Variants in POLE observed in about 807,000 individuals in gnomAD.
POLE encodes the protein DNA polymerase epsilon, catalytic subunit.
A neutral mutation model predicts 279.2 loss-of-function variants in POLE; 188 were observed. The ratio of observed to expected loss-of-function variants is 0.67; its 90% CI spans 0.60 to 0.76. POLE has a LOEUF of 0.76. Ranked by LOEUF, POLE falls within the 30% of genes least tolerant of loss-of-function variation. The pLI is 0.00. For synonymous variants in POLE, 1,214 were observed against 1,172.5 expected (o/e 1.04, Z -0.72); for missense variants, 2,703 against 3,016.7 (o/e 0.90, Z 2.44).
At chr12:132,637,085 C>T (rs905125418) in intron 41 of POLE, among the ~76,000 whole-genome samples, 3 of 152,230 alleles carry the variant, frequency 2.0e-5, no homozygotes, top group Admixed American at 6.5e-5. Context: ...AGGCACACAG[C>T]GTGACCACTG....
chr12:132,675,328 A>G lies in POLE; in HGVS notation c.1226+70T>C. 1 of 1,565,498 alleles carries G rather than the reference A, an allele frequency of 6.4e-7. No individual in the cohort carries two copies. Among genetic ancestry groups the G allele is most frequent in the East Asian group, 2.2e-5 (1 of 44,466 alleles). On this transcript the variant is annotated intron_variant, in intron 12 of 48. Coordinates refer to ENST00000320574, the MANE Select transcript of POLE (RefSeq NM_006231.4). This position sits in a 1 kb window ranked among gnomAD's most constrained non-coding sequence, Gnocchi z 4.3. Reference sequence around the variant, plus strand: ...CTCCCATGAGATGTGGTGACAGCACAGTCTGCAAGAGGCCTTCAGATCTCG... The same window carrying G: ...CTCCCATGAGATGTGGTGACAGCACGGTCTGCAAGAGGCCTTCAGATCTCG...
chr12:132,654,818 T>C (rs1407086938), intron 29 of POLE, among the ~76,000 whole-genome samples: 1 of 152,190 alleles, frequency 6.6e-6, no homozygotes, highest in African/African-American at 2.4e-5. Context: ...ATGTGACTAT[T>C]TTCCTAAGTC....
chr12:132,669,814 A>G (rs1315395767), intron 16 of POLE, among the ~76,000 whole-genome samples: 1 of 152,206 alleles, frequency 6.6e-6, no homozygotes, highest in African/African-American at 2.4e-5. Flanking sequence ...ACATCCCCCC[A>G]GCCACCCTCC....
At chr12:132,645,457 G>C (rs911887533) in intron 32 of POLE, among the ~76,000 whole-genome samples, 1 of 152,180 alleles carries the variant, frequency 6.6e-6, no homozygotes, top group African/African-American at 2.4e-5. Flanking sequence ...ACAAGTCCCA[G>C]GCTCACTACG....
In POLE at chr12:132,660,987, C is replaced by T. The variant is rs1290356703; in HGVS notation, c.3042G>A (p.Leu1014=). 1 of 1,612,220 alleles carries T rather than the reference C, an allele frequency of 6.2e-7. No homozygotes were observed. The highest frequency in any genetic ancestry group is 1.1e-5 in the South Asian group (1 of 90,848). The change falls in exon 25 of 49, where the codon CTG becomes CTA. Residue 1014 remains leucine (L), a synonymous_variant. Coordinates refer to ENST00000320574, the MANE Select transcript of POLE (RefSeq NM_006231.4). The part of the protein sequence containing the change: ...GSVAKVADYW[L]DVLYSKAANM... ...CCTTTACCTTGCTGTACAGCACGTCCAGCCAGTAGTCAGCCACCTTGGCTA... is the reference window on the plus strand; with the variant it reads ...CCTTTACCTTGCTGTACAGCACGTCTAGCCAGTAGTCAGCCACCTTGGCTA...
In POLE at chr12:132,668,492, A is replaced by T; in HGVS notation, c.2037T>A (p.Ser679Arg). 6.3e-7 allele frequency: 1 copy of T among 1,592,290 alleles called. No individual in the cohort carries two copies. The highest frequency in any genetic ancestry group is 8.6e-7 in the Non-Finnish European group (1 of 1,167,078). ...GCTGGATCCGATGGTATTCGCTGCG[A>T]CTGGCTGGCACTGGGAAGGAGGCAA... is the stretch of plus-strand genomic sequence containing the variant. ...WQWRGEFMPA[S>R]RSEYHRIQHQ... The change falls in exon 19 of 49, where the codon AGT becomes AGA. Residue 679 changes from serine to arginine, a missense_variant. Coordinates refer to ENST00000320574, the MANE Select transcript of POLE (RefSeq NM_006231.4). The surrounding 1 kb of genome is among the most constrained non-coding windows in gnomAD (Gnocchi z 4.0).
chr12:132,664,593 A>G lies in POLE; in HGVS notation c.2469-131T>C. On this transcript the variant is annotated intron_variant, in intron 21 of 48. Coordinates refer to ENST00000320574, the MANE Select transcript of POLE (RefSeq NM_006231.4). The surrounding 1 kb of genome is among the most constrained non-coding windows in gnomAD (Gnocchi z 5.3). ...AAGGGAAGCAGCCAAATGTGCGTGC[A>G]CCAGGACAGAACTAAGGTGGAATCT... 1 of 707,792 alleles carries G rather than the reference A, an allele frequency of 1.4e-6. No homozygotes were observed. The highest frequency in any genetic ancestry group is 1.7e-5 in the African/African-American group (1 of 57,556). 43.8% of individuals were successfully genotyped at this position (707,792 alleles called of 1,614,324 possible).
chr12:132,629,773 C>T (rs2041901507), intron 45 of POLE, among the ~76,000 whole-genome samples: 1 of 152,198 alleles, frequency 6.6e-6, no homozygotes, highest in Admixed American at 6.5e-5. Context: ...CTTGTAATTT[C>T]CTTCAAGAAC....
chr12:132,640,480 G>A (rs746003564), intron 39 of POLE, among the ~76,000 whole-genome samples: 18 of 152,258 alleles, frequency 1.2e-4, no homozygotes, highest in Non-Finnish European at 2.1e-4. Flanking sequence ...GTGTAAACAA[G>A]TTTCCCGTTC....
rs367714173 is a variant in POLE at position 132,642,459 on chromosome 12, G to A, written c.4952+47C>T. On this transcript the variant is annotated intron_variant, in intron 37 of 48. Coordinates refer to ENST00000320574, the MANE Select transcript of POLE (RefSeq NM_006231.4). ...CCGGGTCACAGAGACCACCGAGGCC[G>A]GCTCTGCCTGGGGACCACTGGCCCA... is the stretch of plus-strand genomic sequence containing the variant. The A allele has an allele frequency of 2.5e-4, 404 of 1,600,830 alleles. No homozygotes were observed. Among genetic ancestry groups the A allele is most frequent in the Admixed American group, 9.5e-4 (57 of 59,744 alleles).
At chr12:132,637,305 A>G (rs1593718098) in intron 41 of POLE, among the ~76,000 whole-genome samples, 1 of 152,328 alleles carries the variant, frequency 6.6e-6, no homozygotes, top group East Asian at 1.9e-4. Context: ...CTACCCCTGT[A>G]ACCATGCAAA....
In POLE at chr12:132,661,205, G is replaced by A. The variant is rs2135946881; in HGVS notation, c.2865-41C>T. ...AAGGCAAGCACAGCAGTGGCAAGGAGCGCTGGGGAGCCACCAGCTGTGCCT... is the reference window on the plus strand; with the variant it reads ...AAGGCAAGCACAGCAGTGGCAAGGAACGCTGGGGAGCCACCAGCTGTGCCT... On this transcript the variant is annotated intron_variant, in intron 24 of 48. Coordinates refer to ENST00000320574, the MANE Select transcript of POLE (RefSeq NM_006231.4). This position sits in a 1 kb window ranked among gnomAD's most constrained non-coding sequence, Gnocchi z 4.1. 3 of 1,521,968 alleles carry A rather than the reference G, an allele frequency of 2.0e-6. No homozygotes were observed. Among genetic ancestry groups the A allele is most frequent in the Non-Finnish European group, 2.7e-6 (3 of 1,130,748 alleles). The allele number at this position is 1,521,968 out of a possible 1,614,324, so 94.3% of individuals were successfully genotyped here.
chr12:132,649,445 C>A lies in POLE; in HGVS notation c.3866G>T (p.Arg1289Leu), dbSNP rs781298285. 3 of 1,612,420 alleles carry A rather than the reference C, an allele frequency of 1.9e-6. No individual in the cohort carries two copies. The highest frequency in any genetic ancestry group is 1.1e-5 in the South Asian group (1 of 91,072). Residue 1289 changes from arginine to leucine, a missense_variant, in exon 31 of 49, where the codon CGC becomes CTC. By Grantham distance (102) the Arg-to-Leu change is moderately radical (BLOSUM62 -2). Around this residue, in one of 5 missense-constraint regions of POLE, gnomAD observed 1,551 missense variants for 1,686.1 expected, o/e 0.92. Coordinates refer to ENST00000320574, the MANE Select transcript of POLE (RefSeq NM_006231.4). Reference protein sequence around the residue: ...WQLQARQRLARRKRQRLESAE... With the variant: ...WQLQARQRLALRKRQRLESAE... ...CGACTCCAGACGCTGCCTCTTCCTG[C>A]GGGCGAGGCGCTGCCGGGCCTGCAG...
Position 132,675,852 on chromosome 12 carries a change from C to G in POLE, c.1021-32G>C, listed in dbSNP as rs2043039109. The stretch of plus-strand genomic sequence containing the variant: ...CCAAGTCACAGCAGTCAGAGGTCTG[C>G]TCTTTCTCTTCTTCAAGCTATTCCA... On this transcript the variant is annotated intron_variant, in intron 10 of 48. Coordinates refer to ENST00000320574, the MANE Select transcript of POLE (RefSeq NM_006231.4). The surrounding 1 kb of genome is among the most constrained non-coding windows in gnomAD (Gnocchi z 4.3). 2 of 1,535,092 alleles carry G rather than the reference C, an allele frequency of 1.3e-6. No homozygotes were observed. The highest frequency in any genetic ancestry group is 1.8e-6 in the Non-Finnish European group (2 of 1,108,146).
chr12:132,672,531 G>A, intron 15 of POLE, 96 bp downstream of exon 15: 2 of 1,344,456 alleles, frequency 1.5e-6, no homozygotes, highest in Non-Finnish European at 2.1e-6. Flanking sequence ...CGTGGGACAG[G>A]ATGGGGAGAA....
rs969812647 is a variant in POLE at position 132,679,623 on chromosome 12, T to C, written c.452A>G (p.Asn151Ser). The C allele has an allele frequency of 2.5e-6, 4 of 1,612,252 alleles. No homozygotes were observed. Among genetic ancestry groups the C allele is most frequent in the Non-Finnish European group, 3.4e-6 (4 of 1,178,460 alleles). Residue 151 changes from asparagine to serine, a missense_variant, in exon 6 of 49, where the codon AAT (asparagine) becomes AGT (serine). This residue lies in a region of POLE where 1,011 missense variants were observed against 1,111.7 expected (regional missense o/e 0.91). Coordinates refer to ENST00000320574, the MANE Select transcript of POLE (RefSeq NM_006231.4). ...AGTGTGGAAGGACAGCCTGATGTAA[T>C]TTCGCTTCAAACCCACCAAGTGATT... ...LPNHLVGLKRNYIRLSFHTVE... is the reference protein window; with the variant it reads ...LPNHLVGLKRSYIRLSFHTVE...
chr12:132,647,693 A>C (rs2042317314), intron 32 of POLE, among the ~76,000 whole-genome samples: 1 of 152,068 alleles, frequency 6.6e-6, no homozygotes, highest in Non-Finnish European at 1.5e-5. Flanking sequence ...AGATGAGCTG[A>C]TAGTCATAAA....
chr12:132,634,459 C>G lies in POLE; in HGVS notation c.5812-81G>C. 2 of 1,397,302 alleles carry G rather than the reference C, an allele frequency of 1.4e-6. No homozygotes were observed. Among genetic ancestry groups the G allele is most frequent in the South Asian group, 2.6e-5 (2 of 77,144 alleles). The allele number at this position is 1,397,302 out of a possible 1,614,324, so 86.6% of individuals were successfully genotyped here. A position where few individuals can be genotyped will look rare whatever the true frequency, so the allele number is the denominator to read the frequency against. ...GTAGGATGCCACAGCGAAGGCTCCT[C>G]CAACCTGGGTCCATCTGCCCCGTTT... is the stretch of plus-strand genomic sequence containing the variant. On this transcript the variant is annotated intron_variant, in intron 42 of 48. Coordinates refer to ENST00000320574, the MANE Select transcript of POLE (RefSeq NM_006231.4). The surrounding 1 kb of genome is among the most constrained non-coding windows in gnomAD (Gnocchi z 4.0).
chr12:132,656,980 T>TA (rs1169218330), intron 29 of POLE, among the ~76,000 whole-genome samples, 156 bp downstream of exon 29: 1 of 152,066 alleles, frequency 6.6e-6, no homozygotes, highest in Non-Finnish European at 1.5e-5. Context: ...CACTCAGAGT[T>TA]AGAGAGTAAA....
Sources: gnomAD v4.1 joint callset for allele counts (sites outside exome capture counted in the v4.1 genomes callset) on GRCh38, gnomAD v4.1.1 for gene constraint, gnomAD v4.1.1 regional missense constraint, Gnocchi (gnomAD v3.1) non-coding constraint, MANE v1.5 for transcripts, NCBI Gene and HGNC (gene_info 2026-07-23, HGNC 2026-07-21) for gene names.